DPYSL3: variants seen among roughly 807,000 people sequenced by gnomAD.
The protein encoded by DPYSL3 is dihydropyrimidinase-related protein 3.
A neutral mutation model predicts 66.1 loss-of-function variants in DPYSL3; 16 were observed. The observed-to-expected ratio is 0.24, with a 90% CI of 0.16 to 0.37. DPYSL3 has a LOEUF of 0.37. Among genes scored for constraint, DPYSL3 ranks in the 10% least tolerant of loss-of-function variants. The pLI, the probability that DPYSL3 is intolerant of heterozygous loss-of-function variation, is 1.00. For synonymous variants in DPYSL3, 338 were observed against 345.1 expected (o/e 0.98, Z 0.23); for missense variants, 738 against 916.2 (o/e 0.81, Z 2.51).
chr5:147,503,399 A>G (rs979860648), intron 1 of DPYSL3, among the ~76,000 whole-genome samples: 1 of 152,014 alleles, frequency 6.6e-6, no homozygotes, highest in African/African-American at 2.4e-5. Flanking sequence ...GCTCAAGCAA[A>G]CCTCTTACCT....
intron 2 of DPYSL3, 56 bp downstream of exon 2, chr5:147,424,819 G>T: frequency 7.9e-7 from 1 of 1,269,600 alleles, no homozygotes; most frequent in Non-Finnish European, 1.1e-6. Context: ...TCCTTTATGA[G>T]CCATTAATGA....
chr5:147,433,796 G>A (rs1201002912), intron 1 of DPYSL3, among the ~76,000 whole-genome samples: 7 of 152,172 alleles, frequency 4.6e-5, no homozygotes, highest in South Asian at 4.1e-4. Flanking sequence ...CACTCTGGGC[G>A]GCCAAGGCGG....
At chr5:147,469,042 A>T (rs1008718553) in intron 1 of DPYSL3, among the ~76,000 whole-genome samples, 2 of 152,238 alleles carry the variant, frequency 1.3e-5, no homozygotes, top group African/African-American at 4.8e-5. Flanking sequence ...GAGGCAGCCA[A>T]TCAGCCACCA....
At chr5:147,440,636 G>A (rs1287685790) in intron 1 of DPYSL3, among the ~76,000 whole-genome samples, 1 of 152,206 alleles carries the variant, frequency 6.6e-6, no homozygotes, top group East Asian at 1.9e-4. Context: ...AGACTGTACT[G>A]AAATCTAATT....
At chr5:147,397,469 C>G (rs921255215) in intron 12 of DPYSL3, among the ~76,000 whole-genome samples, 197 bp downstream of exon 12, 6 of 152,100 alleles carry the variant, frequency 3.9e-5, no homozygotes, top group Non-Finnish European at 8.8e-5. Flanking sequence ...GGAAAAAAAG[C>G]TCTCTTTGAA....
chr5:147,496,029 T>C (rs2126453132), intron 1 of DPYSL3, among the ~76,000 whole-genome samples: 2 of 152,318 alleles, frequency 1.3e-5, no homozygotes, highest in Admixed American at 1.3e-4. Context: ...CAAAATAGCA[T>C]GGTACTGGTA....
At chr5:147,453,485 C>A in intron 1 of DPYSL3, 1 of 1,498,786 alleles carries the variant, frequency 6.7e-7, no homozygotes, top group South Asian at 1.3e-5. Context: ...CGAGCCGACC[C>A]CGCCCGCAGC....
intron 1 of DPYSL3, chr5:147,454,251 C>T (rs1190319849): frequency 2.6e-5 from 4 of 152,130 alleles, no homozygotes; most frequent in African/African-American, 4.8e-5. Flanking sequence ...TGGCGCGGGT[C>T]GAATGCGGCG....
At chr5:147,434,911 C>T (rs779861045) in intron 1 of DPYSL3, among the ~76,000 whole-genome samples, 5 of 152,148 alleles carry the variant, frequency 3.3e-5, no homozygotes, top group Non-Finnish European at 7.4e-5. Flanking sequence ...GTAAACTGGA[C>T]TCTCTTCAAT....
chr5:147,414,407 A>T (rs1295970040), intron 4 of DPYSL3, among the ~76,000 whole-genome samples: 1 of 152,174 alleles, frequency 6.6e-6, no homozygotes, highest in African/African-American at 2.4e-5. Context: ...GATTTACAGA[A>T]ATAGGTGGGA....
At chr5:147,471,347 A>G (rs931197940) in intron 1 of DPYSL3, among the ~76,000 whole-genome samples, 31 of 152,250 alleles carry the variant, frequency 2.0e-4, no homozygotes, top group Admixed American at 1.3e-4. Context: ...CACCTAGGCT[A>G]GAATCAGGAT....
At chr5:147,478,907 C>T (rs2126432768) in intron 1 of DPYSL3, among the ~76,000 whole-genome samples, 1 of 152,278 alleles carries the variant, frequency 6.6e-6, no homozygotes, top group South Asian at 2.1e-4. Flanking sequence ...TGTCAGCACC[C>T]TGAAGACAAA....
chr5:147,459,682 T>C (rs1416289183), intron 1 of DPYSL3, among the ~76,000 whole-genome samples: 1 of 152,082 alleles, frequency 6.6e-6, no homozygotes, highest in African/African-American at 2.4e-5. Context: ...TAAGCAAAGG[T>C]ATGCAATCCT....
chr5:147,488,268 G>C (rs574495536), intron 1 of DPYSL3, among the ~76,000 whole-genome samples: 12 of 152,304 alleles, frequency 7.9e-5, no homozygotes, highest in African/African-American at 2.9e-4. Context: ...CCAGGAGGTA[G>C]ATCAAGGGAA....
At chr5:147,422,752 G>C (rs190022121) in intron 2 of DPYSL3, among the ~76,000 whole-genome samples, 31 of 152,006 alleles carry the variant, frequency 2.0e-4, no homozygotes, top group African/African-American at 7.5e-4. Flanking sequence ...ACTAACACAG[G>C]AACAGGAAAC....
intron 1 of DPYSL3, among the ~76,000 whole-genome samples, chr5:147,487,898 A>G (rs1753359548): frequency 6.6e-6 from 1 of 152,060 alleles, no homozygotes; most frequent in South Asian, 2.1e-4. Flanking sequence ...TCTCACTAAA[A>G]AGTTCCCTTA....
intron 1 of DPYSL3, among the ~76,000 whole-genome samples, chr5:147,489,708 C>T (rs572664462): frequency 1.5e-4 from 23 of 150,984 alleles, no homozygotes; most frequent in Non-Finnish European, 2.8e-4. Flanking sequence ...TCTCCGTTTA[C>T]GACTTCAGCG....
chr5:147,481,767 G>T (rs1474510994), intron 1 of DPYSL3, among the ~76,000 whole-genome samples: 1 of 152,178 alleles, frequency 6.6e-6, no homozygotes, highest in Non-Finnish European at 1.5e-5. Flanking sequence ...TTCTACCATA[G>T]TATGACATGG....
intron 1 of DPYSL3, among the ~76,000 whole-genome samples, chr5:147,496,313 C>G (rs1392168210): frequency 6.6e-6 from 1 of 152,210 alleles, no homozygotes; most frequent in African/African-American, 2.4e-5. Flanking sequence ...AAAACCTACA[C>G]AATACCATTC....
Sources: gnomAD v4.1 joint callset for allele counts (sites outside exome capture counted in the v4.1 genomes callset) on GRCh38, gnomAD v4.1.1 for gene constraint, MANE v1.5 for transcripts, NCBI Gene and HGNC (gene_info 2026-07-23, HGNC 2026-07-21) for gene names.